Variants in KIF18A observed in about 807,000 individuals in gnomAD.
The protein encoded by KIF18A is kinesin family member 18A.
Under a neutral mutation model 103.3 loss-of-function variants are expected in KIF18A, and 67 were observed. The observed-to-expected ratio is 0.65, with a 90% CI of 0.53 to 0.79. KIF18A has a LOEUF of 0.79. KIF18A is among the 30% of genes least tolerant of loss of function. The pLI is 0.00. For synonymous variants in KIF18A, 367 were observed against 355.5 expected, an observed-to-expected ratio of 1.03 and a Z score of -0.36; for missense variants, 1,032 against 1,062.5, an observed-to-expected ratio of 0.97 and a Z score of 0.40.
At chr11:28,064,475 A>G (rs1187818486) in intron 11 of KIF18A, among the ~76,000 whole-genome samples, 1 of 152,040 alleles carries the variant, frequency 6.6e-6, no homozygotes, top group African/African-American at 2.4e-5. Flanking sequence ...ATCTCTCCTT[A>G]TAGCATTAGG....
intron 13 of KIF18A, among the ~76,000 whole-genome samples, chr11:28,039,545 C>T (rs892658745): frequency 4.6e-5 from 7 of 151,666 alleles, no homozygotes; most frequent in Admixed American, 4.0e-4. Context: ...GGCAAATTCC[C>T]ATCATGGTGG....
At chr11:28,105,613 A>C (rs1309346765) in intron 1 of KIF18A, among the ~76,000 whole-genome samples, 2 of 152,102 alleles carry the variant, frequency 1.3e-5, no homozygotes, top group African/African-American at 2.4e-5. Flanking sequence ...TATTTCCCCC[A>C]AAACTCAGCT....
intron 13 of KIF18A, among the ~76,000 whole-genome samples, chr11:28,055,337 G>C (rs1284415389): frequency 1.3e-5 from 2 of 152,146 alleles, no homozygotes; most frequent in Admixed American, 1.3e-4. Context: ...CTGTTTGAAG[G>C]CACTGGATTA....
chr11:28,022,530 G>A (rs568144947), intron 16 of KIF18A, among the ~76,000 whole-genome samples: 8 of 152,272 alleles, frequency 5.3e-5, no homozygotes, highest in Non-Finnish European at 8.8e-5. Flanking sequence ...GCCTCCCAAA[G>A]TGCTGGGATT....
In KIF18A at chr11:28,059,063, A is replaced by T; in HGVS notation, c.1811T>A (p.Ile604Asn). The change falls in exon 13 of 17, where the codon ATC becomes AAC. Residue 604 changes from isoleucine (I) to asparagine (N), a missense_variant. By Grantham distance (149) the Ile-to-Asn change is moderately radical. Coordinates refer to ENST00000263181, the MANE Select transcript of KIF18A (RefSeq NM_031217.4). ...TTTTTTCCTCTCTACCAAATGTTCG[A>T]TCTCTTTGAAGTCAGATTCAAAAGC... ...NAAFESDFKEIEHLVERKKVV... is the reference protein window; with the variant it reads ...NAAFESDFKENEHLVERKKVV... 6.2e-7 allele frequency: 1 copy of T among 1,614,044 alleles called. No individual in the cohort carries two copies. Among genetic ancestry groups the T allele is most frequent in the Non-Finnish European group, 8.5e-7 (1 of 1,179,960 alleles).
chr11:28,048,992 C>G (rs958205838), intron 13 of KIF18A, among the ~76,000 whole-genome samples: 2 of 151,760 alleles, frequency 1.3e-5, no homozygotes, highest in African/African-American at 2.4e-5. Context: ...ACTTGGAAAG[C>G]CTTTGAAGAC....
chr11:28,066,280 G>A (rs900222456), intron 11 of KIF18A, among the ~76,000 whole-genome samples: 1 of 151,956 alleles, frequency 6.6e-6, no homozygotes, highest in African/African-American at 2.4e-5. Flanking sequence ...CAATCCAAGA[G>A]AATCAACTCT....
At chr11:28,054,914 T>A (rs927242512) in intron 13 of KIF18A, among the ~76,000 whole-genome samples, 3 of 152,208 alleles carry the variant, frequency 2.0e-5, no homozygotes, top group Non-Finnish European at 4.4e-5. Flanking sequence ...AAGTATAGTC[T>A]GTGCAATTAT....
chr11:28,030,815 G>A (rs1352515426), intron 15 of KIF18A, among the ~76,000 whole-genome samples: 1 of 148,688 alleles, frequency 6.7e-6, no homozygotes, highest in African/African-American at 2.5e-5. Flanking sequence ...AATCTACAAT[G>A]AACTCAAACA....
At chr11:28,102,521 G>A (rs1403911299) in intron 1 of KIF18A, among the ~76,000 whole-genome samples, 1 of 152,140 alleles carries the variant, frequency 6.6e-6, no homozygotes, top group Non-Finnish European at 1.5e-5. Context: ...CCTGAGGGCT[G>A]AGTCATGGGC....
At chr11:28,078,577 TA>T (rs1387091695) in intron 9 of KIF18A, among the ~76,000 whole-genome samples, 1 of 152,144 alleles carries the variant, frequency 6.6e-6, no homozygotes, top group African/African-American at 2.4e-5. Flanking sequence ...GAAAGAGTTC[TA>T]AGCAAACATT....
intron 12 of KIF18A, among the ~76,000 whole-genome samples, 176 bp downstream of exon 12, chr11:28,062,219 A>G (rs967234103): frequency 6.6e-6 from 1 of 152,112 alleles, no homozygotes; most frequent in Non-Finnish European, 1.5e-5. Flanking sequence ...TTATAAACCA[A>G]TGTAAAAACT....
intron 1 of KIF18A, among the ~76,000 whole-genome samples, chr11:28,100,572 G>A (rs1313362145): frequency 2.1e-5 from 3 of 145,832 alleles, no homozygotes; most frequent in African/African-American, 7.6e-5. Flanking sequence ...GGGGGGGGGT[G>A]GTGTCAAGAT....
intron 12 of KIF18A, among the ~76,000 whole-genome samples, chr11:28,059,420 T>A (rs1354652595): frequency 6.6e-6 from 1 of 152,030 alleles, no homozygotes; most frequent in African/African-American, 2.4e-5. Context: ...GAGGGCTAAA[T>A]GAGTTAAGTA....
At chr11:28,069,451 T>A (rs1218251681) in intron 10 of KIF18A, 28 bp from the exon 11 acceptor site, 1 of 1,599,178 alleles carries the variant, frequency 6.3e-7, no homozygotes, top group East Asian at 2.2e-5. Flanking sequence ...TAACAGTAAA[T>A]CTAATTTTTA....
chr11:28,030,601 C>T (rs941196022), intron 15 of KIF18A, among the ~76,000 whole-genome samples: 3 of 152,066 alleles, frequency 2.0e-5, no homozygotes, highest in Non-Finnish European at 2.9e-5. Flanking sequence ...TAGGCAATAC[C>T]ATTCAGGACA....
chr11:28,030,517 T>G (rs1160789623), intron 15 of KIF18A, among the ~76,000 whole-genome samples: 1 of 152,092 alleles, frequency 6.6e-6, no homozygotes, highest in Non-Finnish European at 1.5e-5. Flanking sequence ...TTACACCTTA[T>G]ACAAAAATTA....
intron 15 of KIF18A, among the ~76,000 whole-genome samples, chr11:28,031,280 T>C (rs1347554175): frequency 1.3e-5 from 2 of 151,992 alleles, no homozygotes; most frequent in Non-Finnish European, 2.9e-5. Context: ...TTGTACCCAA[T>C]CCAAATGTCC....
chr11:28,074,738 T>C (rs1204984296), intron 10 of KIF18A, among the ~76,000 whole-genome samples: 2 of 152,114 alleles, frequency 1.3e-5, no homozygotes, highest in Non-Finnish European at 2.9e-5. Context: ...TTTTTCTATA[T>C]AATTATTACT....
Sources: gnomAD v4.1 joint callset for allele counts (sites outside exome capture counted in the v4.1 genomes callset) on GRCh38, gnomAD v4.1.1 for gene constraint, MANE v1.5 for transcripts, NCBI Gene and HGNC (gene_info 2026-07-23, HGNC 2026-07-21) for gene names.